The following OSBPL3 variants were observed in gnomAD, a reference collection of about 807,000 sequenced individuals.
The protein encoded by OSBPL3 is oxysterol-binding protein-related protein 3.
OSBPL3 carries 65 observed loss-of-function variants against 120.1 expected under a neutral mutation model. That is an observed-to-expected ratio of 0.54 (90% CI 0.44 to 0.67). The LOEUF is 0.67. Among genes scored for constraint, OSBPL3 ranks in the 30% least tolerant of loss-of-function variants. OSBPL3 has a pLI of 0.00. For synonymous variants in OSBPL3, 416 were observed against 402.6 expected (o/e 1.03, Z -0.40); for missense variants, 1,004 against 1,082.1 (o/e 0.93, Z 1.01).
At chr7:24,840,564 A>G (rs1797618442) in intron 14 of OSBPL3, 126 bp downstream of exon 14, 1 of 472,544 alleles carries the variant, frequency 2.1e-6, no homozygotes, top group Admixed American at 4.3e-5. Flanking sequence ...AAAGTTATAC[A>G]TGGATTTTCA....
At chr7:24,878,370 A>T (rs1056944330) in intron 2 of OSBPL3, among the ~76,000 whole-genome samples, 6 of 152,188 alleles carry the variant, frequency 3.9e-5, no homozygotes, top group Admixed American at 3.9e-4. Context: ...CTGATTACTC[A>T]CTTAATCCGT....
In OSBPL3 at chr7:24,842,145, A is replaced by C. The variant is rs140528204; in HGVS notation, c.1401+134T>G. 8.0e-3 allele frequency: 6,948 copies of C among 866,750 alleles called. 44 individuals are homozygous for C. Among genetic ancestry groups the C allele is most frequent in the Non-Finnish European group, 0.01 (5,740 of 548,158 alleles). 53.7% of individuals were successfully genotyped at this position (866,750 alleles called of 1,614,324 possible). A position where few individuals can be genotyped will look rare whatever the true frequency, so the allele number is the denominator to read the frequency against. On this transcript the variant is annotated intron_variant, in intron 13 of 22. Transcript: ENST00000313367. Reference sequence around the variant, plus strand: ...ACTTTTTGGGTATGAGTTATGGGAGAACTCTCAGAACATAATGACTACAAA... The same window carrying C: ...ACTTTTTGGGTATGAGTTATGGGAGCACTCTCAGAACATAATGACTACAAA...
At chr7:24,889,315 C>T (rs1407750428) in intron 2 of OSBPL3, among the ~76,000 whole-genome samples, 2 of 152,120 alleles carry the variant, frequency 1.3e-5, no homozygotes, top group Non-Finnish European at 2.9e-5. Context: ...CTTACAGAAA[C>T]AGAGGATGGA....
At chr7:24,869,427 T>C (rs565120106) in intron 5 of OSBPL3, among the ~76,000 whole-genome samples, 1 of 152,324 alleles carries the variant, frequency 6.6e-6, no homozygotes, top group African/African-American at 2.4e-5. Flanking sequence ...CTTTCTTAAA[T>C]TTCTTTTTTA....
In OSBPL3 at chr7:24,852,103, A is replaced by C. The variant is rs1474820478; in HGVS notation, c.1158+401T>G. Among the ~76,000 whole-genome samples the C allele has an allele frequency of 2.0e-5, 3 of 152,232 alleles. No homozygotes were observed. The highest frequency in any genetic ancestry group is 7.2e-5 in the African/African-American group (3 of 41,456). ...CATGAATTGGAAATTTCACTCTGCC[A>C]CCTGTCATTTGGAAAGTAAGGCTAA... On this transcript the variant is annotated intron_variant, in intron 11 of 22. Transcript: ENST00000313367. This position sits in a 1 kb window ranked among gnomAD's most constrained non-coding sequence, Gnocchi z 4.1.
intron 1 of OSBPL3, among the ~76,000 whole-genome samples, chr7:24,911,648 G>A (rs945768315): frequency 6.6e-6 from 1 of 152,040 alleles, no homozygotes; most frequent in African/African-American, 2.4e-5. Flanking sequence ...TCTATAAATC[G>A]AAGTCCCCAA....
intron 10 of OSBPL3, among the ~76,000 whole-genome samples, chr7:24,860,057 T>C (rs908688841): frequency 6.6e-6 from 1 of 152,198 alleles, no homozygotes; most frequent in Non-Finnish European, 1.5e-5. Context: ...GAGTTGACAT[T>C]AGTATAATCT....
intron 1 of OSBPL3, among the ~76,000 whole-genome samples, chr7:24,928,683 C>A (rs1367978958): frequency 6.6e-6 from 1 of 152,234 alleles, no homozygotes; most frequent in Non-Finnish European, 1.5e-5. Flanking sequence ...TTGCAGTCAA[C>A]TCTAACCCTG....
intron 1 of OSBPL3, among the ~76,000 whole-genome samples, chr7:24,908,708 T>C (rs1018270891): frequency 1.3e-5 from 2 of 152,242 alleles, no homozygotes; most frequent in Non-Finnish European, 2.9e-5. Flanking sequence ...GCTGCAGGTA[T>C]TTTACCAACC....
At chr7:24,869,912 C>T (rs1328900690) in intron 5 of OSBPL3, among the ~76,000 whole-genome samples, 3 of 152,144 alleles carry the variant, frequency 2.0e-5, no homozygotes, top group African/African-American at 7.2e-5. Flanking sequence ...AAGTAATTTG[C>T]CCAAGTAAGA....
chr7:24,858,203 A>G (rs62449855), intron 10 of OSBPL3, among the ~76,000 whole-genome samples: 11,517 of 152,328 alleles, frequency 0.076, 588 homozygotes, highest in Non-Finnish European at 0.12. Context: ...CAAAACCAGG[A>G]GAATTCAGAT....
At chr7:24,957,781 G>C (rs908007319) in intron 1 of OSBPL3, among the ~76,000 whole-genome samples, 1 of 152,062 alleles carries the variant, frequency 6.6e-6, no homozygotes, top group Admixed American at 6.5e-5. Context: ...AAACAGACTA[G>C]AATTCAAGTC....
At position 24,854,144 on chromosome 7, in the gene OSBPL3, C is replaced by G. The variant is rs1455647564; in HGVS notation, c.1028-1510G>C. Among the ~76,000 whole-genome samples the G allele has an allele frequency of 2.0e-5, 3 of 151,996 alleles. No individual in the cohort carries two copies. Among genetic ancestry groups the G allele is most frequent in the East Asian group, 3.9e-4 (2 of 5,126 alleles). ...AAATTACTTCCTAGGGATGAGGAAG[C>G]TGTTATCTAAATTACTGATCGTGGC... On this transcript the variant is annotated intron_variant, in intron 10 of 22. Transcript: ENST00000313367. This position sits in a 1 kb window ranked among gnomAD's most constrained non-coding sequence, Gnocchi z 4.1.
intron 16 of OSBPL3, among the ~76,000 whole-genome samples, chr7:24,828,772 T>C (rs569503866): frequency 4.0e-4 from 59 of 148,770 alleles, no homozygotes; most frequent in Middle Eastern, 3.5e-3. Context: ...GATTTTTTTT[T>C]TTTTAAAAAG....
chr7:24,934,299 C>CT (rs1164187850), intron 1 of OSBPL3, among the ~76,000 whole-genome samples: 9 of 152,086 alleles, frequency 5.9e-5, no homozygotes, highest in Non-Finnish European at 1.3e-4. Context: ...TTTCTTGTGT[C>CT]TGAGTTTTAA....
intron 20 of OSBPL3, among the ~76,000 whole-genome samples, chr7:24,807,599 A>C (rs1251564618): frequency 2.0e-5 from 3 of 152,126 alleles, no homozygotes; most frequent in African/African-American, 7.2e-5. Context: ...TTTTTGATTT[A>C]AGTGATGTCA....
Position 24,893,938 on chromosome 7 carries a change from T to C in OSBPL3, c.-149-1317A>G, listed in dbSNP as rs528781694. Reference sequence around the variant, plus strand: ...CTTTATTTAACACACTAAGTTCAAGTAAATTCTACAGCTTTCCTAAGCAGG... The same window carrying C: ...CTTTATTTAACACACTAAGTTCAAGCAAATTCTACAGCTTTCCTAAGCAGG... On this transcript the variant is annotated intron_variant, in intron 1 of 22. Coordinates refer to ENST00000313367, the MANE Select transcript of OSBPL3 (RefSeq NM_015550.4). 3.3e-5 allele frequency among the ~76,000 whole-genome samples: 5 copies of C among 152,304 alleles called. No homozygotes were observed. In the East Asian group the frequency reaches 5.8e-4, roughly 18 times the overall value.
rs2128511316 is a variant in OSBPL3 at position 24,959,120 on chromosome 7, G to A, written c.-150+20766C>T. ...AGAGCAACTAGAACTATCATAAACT[G>A]CTGGAAGAAACGTAAATGGGCACAA... On this transcript the variant is annotated intron_variant, in intron 1 of 22. Transcript: ENST00000313367. The surrounding 1 kb of genome is among the most constrained non-coding windows in gnomAD (Gnocchi z 4.3). Among the ~76,000 whole-genome samples, 3 of 152,302 alleles carry A rather than the reference G, an allele frequency of 2.0e-5. No homozygotes were observed. The South Asian group carries it at 6.2e-4, about 32-fold the overall frequency.
chr7:24,878,675 G>A (rs1803201638), intron 2 of OSBPL3, among the ~76,000 whole-genome samples: 1 of 152,048 alleles, frequency 6.6e-6, no homozygotes, highest in Non-Finnish European at 1.5e-5. Flanking sequence ...ATGGTTTTTT[G>A]TTTGTTTGTT....
Sources: allele counts gnomAD v4.1 joint callset (sites outside exome capture counted in the v4.1 genomes callset), GRCh38; gene constraint gnomAD v4.1.1; non-coding constraint Gnocchi (gnomAD v3.1); transcripts MANE v1.5; gene names NCBI Gene and HGNC (gene_info 2026-07-23, HGNC 2026-07-21).